DNAAF1: variants seen among roughly 807,000 people sequenced by gnomAD.
DNAAF1 encodes dynein axonemal assembly factor 1, also known as dynein assembly factor 1, axonemal.
Under a neutral mutation model 71.1 loss-of-function variants are expected in DNAAF1, and 65 were observed. That is an observed-to-expected ratio of 0.91 (90% CI 0.75 to 1.12). The LOEUF is 1.12. Ranked by LOEUF, DNAAF1 falls within the 50% of genes most tolerant of loss-of-function variation. DNAAF1 has a pLI of 0.00. For missense variants in DNAAF1, 1,178 were observed against 899.8 expected, an observed-to-expected ratio of 1.31 and a Z score of -3.96; for synonymous variants, 414 against 354.6, an observed-to-expected ratio of 1.17 and a Z score of -1.88.
At chr16:84,148,183 C>T (rs2151203620) in intron 1 of DNAAF1, among the ~76,000 whole-genome samples, 1 of 152,282 alleles carries the variant, frequency 6.6e-6, no homozygotes. Flanking sequence ...TATATGAATT[C>T]TTGCAAGCAC....
chr16:84,162,951 TG>T (rs2087785571), intron 6 of DNAAF1, among the ~76,000 whole-genome samples: 1 of 152,214 alleles, frequency 6.6e-6, no homozygotes, highest in South Asian at 2.1e-4. Flanking sequence ...TTCATATAAA[TG>T]GAGTCACTCA....
chr16:84,160,680 A>G (rs937454866), intron 6 of DNAAF1, among the ~76,000 whole-genome samples: 7 of 151,374 alleles, frequency 4.6e-5, no homozygotes, highest in African/African-American at 1.5e-4. Flanking sequence ...CATGTCTGTA[A>G]TCCCAGCACT....
intron 4 of DNAAF1, among the ~76,000 whole-genome samples, chr16:84,155,350 T>A (rs1342588105): frequency 1.3e-5 from 2 of 152,140 alleles, no homozygotes; most frequent in Non-Finnish European, 2.9e-5. Flanking sequence ...CACGTCAGCC[T>A]CCCAGGTGGC....
chr16:84,157,744 A>C (rs2087506686), intron 5 of DNAAF1, among the ~76,000 whole-genome samples: 1 of 152,176 alleles, frequency 6.6e-6, no homozygotes, highest in Non-Finnish European at 1.5e-5. Context: ...GTCAACTGAA[A>C]GCAAATCATA....
Position 84,154,598 on chromosome 16 carries a change from T to A in DNAAF1, c.374T>A (p.Leu125Gln). 1 of 1,614,152 alleles carries A rather than the reference T, an allele frequency of 6.2e-7. No homozygotes were observed. The highest frequency in any genetic ancestry group is 8.5e-7 in the Non-Finnish European group (1 of 1,180,038). Reference protein sequence around the residue: ...HFKGFDRIENLEEYTGLRCLW... With the variant: ...HFKGFDRIENQEEYTGLRCLW... ...TTAGGTTTTGATCGCATTGAGAACC[T>A]GGAAGAGTACACAGGGCTGCGCTGT... Residue 125 changes from leucine (L) to glutamine (Q), a missense_variant, in exon 4 of 12, where the codon CTG (leucine) becomes CAG (glutamine). Leu to Gln is a moderately radical substitution (Grantham distance 113). Coordinates refer to ENST00000378553, the MANE Select transcript of DNAAF1 (RefSeq NM_178452.6).
intron 6 of DNAAF1, among the ~76,000 whole-genome samples, chr16:84,161,917 C>G (rs2087733289): frequency 6.6e-6 from 1 of 152,098 alleles, no homozygotes; most frequent in African/African-American, 2.4e-5. Flanking sequence ...TAAAAGGGCT[C>G]CTCTAACAGA....
intron 5 of DNAAF1, 129 bp downstream of exon 5, chr16:84,155,878 T>C (rs2087403274): frequency 7.9e-7 from 1 of 1,265,928 alleles, no homozygotes; most frequent in Non-Finnish European, 1.1e-6. Context: ...ACTTTTTTCC[T>C]CTTTGTGTTT....
Position 84,152,078 on chromosome 16 carries a change from T to G in DNAAF1, c.352+1736T>G, listed in dbSNP as rs1296543197. On this transcript the variant is annotated intron_variant, in intron 3 of 11. Transcript: ENST00000378553. ...GCGCAGGGCCTGTGGGCCAGATGCC[T>G]TGGAATGGTCAAGGGCTAAGAGGAC... Among the ~76,000 whole-genome samples, 4 of 152,160 alleles carry G rather than the reference T, an allele frequency of 2.6e-5. No individual in the cohort carries two copies. The East Asian group carries it at 7.7e-4, about 29-fold the overall frequency.
Position 84,149,206 on chromosome 16 carries a change from C to A in DNAAF1, c.260+64C>A. 3.8e-6 allele frequency: 6 copies of A among 1,589,746 alleles called. No homozygotes were observed. The South Asian group carries it at 5.5e-5, about 15-fold the overall frequency. ...GTAAGGTAGATGGCGTAATCACCCC[C>A]TTGTACGGATAATGAAATAGAGGCT... On this transcript the variant is annotated intron_variant, in intron 2 of 11. Coordinates refer to ENST00000378553, the MANE Select transcript of DNAAF1 (RefSeq NM_178452.6).
At chr16:84,155,517 A>T in intron 4 of DNAAF1, 66 bp from the exon 5 acceptor site, 2 of 1,560,058 alleles carry the variant, frequency 1.3e-6, no homozygotes, top group Non-Finnish European at 1.8e-6. Flanking sequence ...GGTATGAACC[A>T]CTGTGCCTGG....
chr16:84,177,295 T>A lies in DNAAF1; in HGVS notation c.2066-434T>A, dbSNP rs1464508768. On this transcript the variant is annotated intron_variant, in intron 11 of 11. Coordinates refer to ENST00000378553, the MANE Select transcript of DNAAF1 (RefSeq NM_178452.6). Reference sequence around the variant, plus strand: ...ATAATTTGTTTTTGTTTGTTTTGTTTGAGACAGTCTCGCACTGTGGCCTAG... The same window carrying A: ...ATAATTTGTTTTTGTTTGTTTTGTTAGAGACAGTCTCGCACTGTGGCCTAG... The A allele has an allele frequency of 3.3e-5, 9 of 275,488 alleles. No individual in the cohort carries two copies. The East Asian group carries it at 5.4e-4, about 16-fold the overall frequency. 17.1% of individuals were successfully genotyped at this position (275,488 alleles called of 1,614,324 possible). A position where few individuals can be genotyped will look rare whatever the true frequency, so the allele number is the denominator to read the frequency against.
chr16:84,154,695 C>T lies in DNAAF1; in HGVS notation c.471C>T (p.Phe157=). Residue 157 remains phenylalanine, a synonymous_variant, in exon 4 of 12, where the codon TTC becomes TTT. Transcript: ENST00000378553. Reference sequence around the variant, plus strand: ...CCCAAACTGAGTTGCGTTGCCTCTTCTTGCAAATGAACTTGCTCCGTAAAA... The same window carrying T: ...CCCAAACTGAGTTGCGTTGCCTCTTTTTGCAAATGAACTTGCTCCGTAAAA... ...LEAQTELRCL[F]LQMNLLRKIE... The T allele has an allele frequency of 6.2e-7, 1 of 1,614,150 alleles. No homozygotes were observed. Among genetic ancestry groups the T allele is most frequent in the Non-Finnish European group, 8.5e-7 (1 of 1,180,032 alleles).
At chr16:84,167,878 G>A (rs906586649) in intron 7 of DNAAF1, among the ~76,000 whole-genome samples, 5 of 152,120 alleles carry the variant, frequency 3.3e-5, no homozygotes, top group South Asian at 2.1e-4. Context: ...TTAGCTGGGC[G>A]TGGTGGCACA....
rs775530822 is a variant in DNAAF1 at position 84,148,979 on chromosome 16, T to C, written c.125-28T>C. The C allele has an allele frequency of 3.7e-6, 6 of 1,613,622 alleles. No individual in the cohort carries two copies. The Admixed American group carries it at 6.7e-5, about 18-fold the overall frequency. On this transcript the variant is annotated intron_variant, in intron 1 of 11. Coordinates refer to ENST00000378553, the MANE Select transcript of DNAAF1 (RefSeq NM_178452.6). ...ATTTTTTGGCATATATCTTGATCTC[T>C]ACAGACCTGATCTCTTTTATTTTAC...
rs375900350 is a variant in DNAAF1, at chr16:84,172,273, G to A, written c.1542G>A (p.Gln514=). Residue 514 remains glutamine, a synonymous_variant, in exon 9 of 12, where the codon CAG becomes CAA. Transcript: ENST00000378553. ...LGAAREEPTP[Q]AVATEGVFVT... is the part of the protein sequence containing the mutation. ...GTTGCTCTTTAGAACCGACTCCCCA[G>A]GCTGTGGCCACTGAGGGTGTATTCG... 1 of 1,614,004 alleles carries A rather than the reference G, an allele frequency of 6.2e-7. No homozygotes were observed. Among genetic ancestry groups the A allele is most frequent in the Non-Finnish European group, 8.5e-7 (1 of 1,180,020 alleles).
rs58906103 is a variant in DNAAF1, at chr16:84,166,037, ATTTTTTTTTTTTT to A, written c.1030+103_1030+115del. The A allele has an allele frequency of 2.4e-3, 2,638 of 1,081,092 alleles. 4 individuals carry two copies. The highest frequency in any genetic ancestry group is 3.0e-3 in the Admixed American group (130 of 42,926). 67.0% of individuals were successfully genotyped at this position (1,081,092 alleles called of 1,614,324 possible). On this transcript the variant is annotated intron_variant, in intron 7 of 11. Transcript: ENST00000378553. ...TCAAACCCAGTCTTTAATCTTGGGA[ATTTTTTTTTTTTT>A]TTTTTTTTTTTTTTAGACAGAGTCT...
At chr16:84,174,406 A>T (rs1284828027) in intron 9 of DNAAF1, 1 of 1,370,188 alleles carries the variant, frequency 7.3e-7, no homozygotes, top group African/African-American at 1.5e-5. Context: ...AAAAAAGCAG[A>T]AAAAAGATGT....
At chr16:84,176,627 C>T (rs1039622225) in intron 11 of DNAAF1, 9 of 423,094 alleles carry the variant, frequency 2.1e-5, no homozygotes, top group Non-Finnish European at 3.1e-5. Context: ...TTTCCACCCC[C>T]TCCTCACCAT....
chr16:84,149,088 G>C lies in DNAAF1; in HGVS notation c.206G>C (p.Gly69Ala). 2 of 1,614,068 alleles carry C rather than the reference G, an allele frequency of 1.2e-6. No homozygotes were observed. Among genetic ancestry groups the C allele is most frequent in the Non-Finnish European group, 1.7e-6 (2 of 1,180,024 alleles). Reference sequence around the variant, plus strand: ...CAGCAGAAACAGAGTGGTGATAATGGGTCAGGTGGTCACTTCGCACACCCA... The same window carrying C: ...CAGCAGAAACAGAGTGGTGATAATGCGTCAGGTGGTCACTTCGCACACCCA... ...HSQQKQSGDN[G>A]SGGHFAHPRE... is the part of the protein sequence containing the mutation. Residue 69 changes from glycine (G) to alanine (A), a missense_variant, in exon 2 of 12, where the codon GGG becomes GCG. By Grantham distance (60) the Gly-to-Ala change is moderately conservative (BLOSUM62 0). Coordinates refer to ENST00000378553, the MANE Select transcript of DNAAF1 (RefSeq NM_178452.6).
Sources: allele counts gnomAD v4.1 joint callset (sites outside exome capture counted in the v4.1 genomes callset), GRCh38; gene constraint gnomAD v4.1.1; transcripts MANE v1.5; gene names NCBI Gene and HGNC (gene_info 2026-07-23, HGNC 2026-07-21).